PAG1: variants seen among roughly 807,000 people sequenced by gnomAD.
The protein encoded by PAG1 is phosphoprotein associated with glycosphingolipid-enriched microdomains 1.
A neutral mutation model predicts 31.7 loss-of-function variants in PAG1; 23 were observed. The observed-to-expected ratio is 0.73, with a 90% CI of 0.52 to 1.03. PAG1 has a LOEUF of 1.03. PAG1 is among the 50% of genes least tolerant of loss of function. The pLI is 0.00. For missense variants in PAG1, 473 were observed against 540.7 expected (o/e 0.87, Z 1.24); for synonymous variants, 214 against 210.3 (o/e 1.02, Z -0.15).
intron 3 of PAG1, among the ~76,000 whole-genome samples, chr8:81,004,491 T>C (rs1054756116): frequency 6.6e-5 from 10 of 152,220 alleles, no homozygotes; most frequent in Non-Finnish European, 1.5e-4. Flanking sequence ...CACAATTTCA[T>C]CTTCTAATCA....
Position 80,976,472 on chromosome 8 carries a change from ACTT to A in PAG1, c.*69_*71del, listed in dbSNP as rs1366442897. The stretch of plus-strand genomic sequence containing the variant: ...AGCATATGAAGTATAGGTTTGTGTC[ACTT>A]CTTCTCTTCCACAGAAGAAACGTCT... On this transcript the variant is annotated 3_prime_UTR_variant, in exon 9 of 9. Transcript: ENST00000220597. 14 of 1,448,850 alleles carry A rather than the reference ACTT, an allele frequency of 9.7e-6. No individual in the cohort carries two copies. Among genetic ancestry groups the A allele is most frequent in the African/African-American group, 4.3e-5 (3 of 70,276 alleles). The allele number at this position is 1,448,850 out of a possible 1,614,324, so 89.7% of individuals were successfully genotyped here.
At chr8:81,039,139 C>A (rs1808511004) in intron 2 of PAG1, among the ~76,000 whole-genome samples, 1 of 152,060 alleles carries the variant, frequency 6.6e-6, no homozygotes, top group Non-Finnish European at 1.5e-5. Flanking sequence ...GAATCTTATA[C>A]TCTGTGTGTG....
At chr8:81,086,520 T>C (rs1025812011) in intron 1 of PAG1, among the ~76,000 whole-genome samples, 2 of 152,004 alleles carry the variant, frequency 1.3e-5, no homozygotes, top group African/African-American at 4.8e-5. Context: ...CGCGTGTGTG[T>C]GTGTGTGCAT....
intron 2 of PAG1, among the ~76,000 whole-genome samples, chr8:81,034,795 C>G (rs748579133): frequency 2.0e-5 from 3 of 152,206 alleles, no homozygotes; most frequent in Non-Finnish European, 4.4e-5. Context: ...TTCCCCTGCT[C>G]TTGAGCTTTC....
Position 81,070,655 on chromosome 8 carries a change from C to CAAA in PAG1, c.-233-486_-233-485insTTT, listed in dbSNP as rs137892012. On this transcript the variant is annotated intron_variant, in intron 1 of 8. Transcript: ENST00000220597. ...CTCAAGAAGATGAAAGTCTTTTCAG[C>CAAA]ACAAAAAAAAAAAGGTGAAACAAAA... Among the ~76,000 whole-genome samples, 116 of 126,318 alleles carry CAAA rather than the reference C, an allele frequency of 9.2e-4. 3 individuals are homozygous for CAAA. The highest frequency in any genetic ancestry group is 3.3e-3 in the African/African-American group (110 of 32,894). The allele number at this position is 126,318 out of a possible 152,430, so 82.9% of individuals were successfully genotyped here. A position where few individuals can be genotyped will look rare whatever the true frequency, so the allele number is the denominator to read the frequency against.
At chr8:81,016,704 C>T (rs970624463) in intron 3 of PAG1, among the ~76,000 whole-genome samples, 2 of 152,090 alleles carry the variant, frequency 1.3e-5, no homozygotes, top group Non-Finnish European at 2.9e-5. Context: ...TCTCCTTGCC[C>T]TTTAAAATGT....
Position 81,090,904 on chromosome 8 carries a change from T to A in PAG1, c.-234+20687A>T, listed in dbSNP as rs532845588. Among the ~76,000 whole-genome samples the A allele has an allele frequency of 1.1e-4, 17 of 152,250 alleles. 1 individual carries two copies. The South Asian group carries it at 3.5e-3, about 32-fold the overall frequency. ...AATGTTCAGAAAAATCAATGAAGGA[T>A]TTTAAAGAATGACCTGAGCAGATTG... On this transcript the variant is annotated intron_variant, in intron 1 of 8. Transcript: ENST00000220597.
At chr8:80,991,018 C>A (rs367551221) in intron 5 of PAG1, among the ~76,000 whole-genome samples, 4 of 152,122 alleles carry the variant, frequency 2.6e-5, no homozygotes, top group African/African-American at 9.7e-5. Flanking sequence ...ACACAGAGGT[C>A]ACCATAGGAA....
chr8:81,095,575 C>A (rs1809516008), intron 1 of PAG1, among the ~76,000 whole-genome samples: 1 of 152,190 alleles, frequency 6.6e-6, no homozygotes, highest in South Asian at 2.1e-4. Flanking sequence ...CTCCCAGTCA[C>A]TCCTAACGAT....
At chr8:81,040,468 TAAAAAAAAAC>T (rs1563639473) in intron 2 of PAG1, among the ~76,000 whole-genome samples, 1 of 150,732 alleles carries the variant, frequency 6.6e-6, no homozygotes, top group Admixed American at 6.6e-5. Flanking sequence ...ACTGGTGCCT[TAAAAAAAAAC>T]AACAAAAACC....
intron 3 of PAG1, among the ~76,000 whole-genome samples, chr8:81,008,580 G>A (rs956636816): frequency 2.4e-4 from 35 of 148,218 alleles, no homozygotes; most frequent in African/African-American, 8.3e-4. Flanking sequence ...ATATAATATA[G>A]TAGTATATAT....
At chr8:81,099,229 A>T (rs1292901872) in intron 1 of PAG1, among the ~76,000 whole-genome samples, 1 of 152,228 alleles carries the variant, frequency 6.6e-6, no homozygotes, top group Non-Finnish European at 1.5e-5. Context: ...GGTTGACCAG[A>T]ATACAGCTCC....
intron 3 of PAG1, among the ~76,000 whole-genome samples, chr8:80,993,523 C>T (rs1407724891): frequency 6.6e-6 from 1 of 151,988 alleles, no homozygotes; most frequent in Non-Finnish European, 1.5e-5. Context: ...AAAGCGGGAA[C>T]ATACAGCTGC....
At chr8:81,106,070 T>C (rs1037942096) in intron 1 of PAG1, among the ~76,000 whole-genome samples, 5 of 152,268 alleles carry the variant, frequency 3.3e-5, no homozygotes, top group Admixed American at 3.3e-4. Context: ...TGAGACAAAG[T>C]CTTACTCTGT....
intron 1 of PAG1, among the ~76,000 whole-genome samples, chr8:81,098,555 G>A (rs1490840858): frequency 2.0e-5 from 3 of 152,306 alleles, no homozygotes; most frequent in Middle Eastern, 6.8e-3. Flanking sequence ...ACCTGGGATG[G>A]CAGCTGCCAT....
chr8:80,998,873 C>T (rs1260544191), intron 3 of PAG1, among the ~76,000 whole-genome samples: 1 of 152,138 alleles, frequency 6.6e-6, no homozygotes, highest in East Asian at 1.9e-4. Flanking sequence ...CACTCATGAC[C>T]CCTCACTGTT....
chr8:81,037,734 A>G (rs1808484135), intron 2 of PAG1, among the ~76,000 whole-genome samples: 1 of 152,258 alleles, frequency 6.6e-6, no homozygotes, highest in Admixed American at 6.5e-5. Context: ...AATGTAAATA[A>G]GCATGAGATA....
intron 2 of PAG1, among the ~76,000 whole-genome samples, chr8:81,066,986 C>T (rs1204650102): frequency 1.3e-5 from 2 of 151,976 alleles, no homozygotes; most frequent in Admixed American, 6.6e-5. Flanking sequence ...TATGGTGAGA[C>T]CCCATCTCTA....
chr8:81,010,852 T>A (rs1807970743), intron 3 of PAG1, among the ~76,000 whole-genome samples: 1 of 152,234 alleles, frequency 6.6e-6, no homozygotes, highest in Non-Finnish European at 1.5e-5. Context: ...TTTTTCTTTC[T>A]AGCCCTTGAC....
Sources: gnomAD v4.1 joint callset for allele counts (sites outside exome capture counted in the v4.1 genomes callset) on GRCh38, gnomAD v4.1.1 for gene constraint, MANE v1.5 for transcripts, NCBI Gene and HGNC (gene_info 2026-07-23, HGNC 2026-07-21) for gene names.